STRBP: variants seen among roughly 807,000 people sequenced by gnomAD.
STRBP encodes spermatid perinuclear RNA binding protein.
Under a neutral mutation model 80.1 loss-of-function variants are expected in STRBP, and 13 were observed. That is an observed-to-expected ratio of 0.16 (90% CI 0.11 to 0.26). The LOEUF (loss-of-function observed/expected upper bound fraction) is 0.26. STRBP is among the 10% of genes least tolerant of loss of function. The pLI, the probability that STRBP is intolerant of heterozygous loss-of-function variation, is 1.00. For synonymous variants in STRBP, 284 were observed against 291.2 expected, an observed-to-expected ratio of 0.98 and a Z score of 0.25; for missense variants, 485 against 815.2, an observed-to-expected ratio of 0.59 and a Z score of 4.93.
chr9:123,112,555 CCT>C (rs1400200291), intron 3 of STRBP: 4 of 167,490 alleles, frequency 2.4e-5, no homozygotes, highest in African/African-American at 7.2e-5. Flanking sequence ...CCTAGAAACC[CCT>C]CTGAGAGGAA....
At chr9:123,253,415 C>A (rs1400766877) in intron 1 of STRBP, among the ~76,000 whole-genome samples, 1 of 152,220 alleles carries the variant, frequency 6.6e-6, no homozygotes, top group Non-Finnish European at 1.5e-5. Flanking sequence ...ACACACTGTA[C>A]TGCTAAGAGA....
intron 2 of STRBP, among the ~76,000 whole-genome samples, chr9:123,219,974 A>G (rs1418242805): frequency 6.6e-6 from 1 of 152,270 alleles, no homozygotes; most frequent in Non-Finnish European, 1.5e-5. Flanking sequence ...TTCAGGAATG[A>G]ATGCAAACAA....
chr9:123,232,344 A>G (rs1250477995), intron 2 of STRBP, among the ~76,000 whole-genome samples: 1 of 152,076 alleles, frequency 6.6e-6, no homozygotes, highest in Non-Finnish European at 1.5e-5. Context: ...TTAGCCGACA[A>G]TTTCTCCAGG....
intron 8 of STRBP, among the ~76,000 whole-genome samples, chr9:123,159,720 G>T (rs1007188695): frequency 6.6e-6 from 1 of 152,108 alleles, no homozygotes; most frequent in Non-Finnish European, 1.5e-5. Flanking sequence ...TTTTGTCAAA[G>T]TAATCATTGC....
Position 123,191,684 on chromosome 9 carries a change from T to A in STRBP, c.-164-7386A>T, listed in dbSNP as rs548000730. On this transcript the variant is annotated intron_variant, in intron 2 of 18. Coordinates refer to ENST00000348403, the MANE Select transcript of STRBP (RefSeq NM_018387.5). ...CATCAAAAAATATCAATTTTTGATA[T>A]TTTTTAACCACTTAAAAGTATAAAA... 1.6e-4 allele frequency among the ~76,000 whole-genome samples: 24 copies of A among 152,302 alleles called. No individual in the cohort carries two copies. The South Asian group carries it at 5.0e-3, about 32-fold the overall frequency.
At chr9:123,257,676 G>A (rs1466902282) in intron 1 of STRBP, among the ~76,000 whole-genome samples, 2 of 152,078 alleles carry the variant, frequency 1.3e-5, no homozygotes, top group African/African-American at 4.8e-5. Flanking sequence ...TAATTAGCCA[G>A]GCATGGTGGC....
At chr9:123,216,815 C>T (rs1365415907) in intron 2 of STRBP, among the ~76,000 whole-genome samples, 1 of 152,100 alleles carries the variant, frequency 6.6e-6, no homozygotes. Flanking sequence ...CATTAATTAC[C>T]TCAGTTAATA....
At chr9:123,224,763 G>C (rs371692574) in intron 2 of STRBP, among the ~76,000 whole-genome samples, 40 of 152,266 alleles carry the variant, frequency 2.6e-4, no homozygotes, top group Middle Eastern at 3.4e-3. Context: ...TGTACTGCTG[G>C]TAGTAGTGGA....
intron 6 of STRBP, chr9:123,168,315 C>A: frequency 2.8e-6 from 2 of 714,024 alleles, no homozygotes; most frequent in Non-Finnish European, 3.4e-6. Flanking sequence ...ATAGATACTA[C>A]ATACAGCAAA....
At chr9:123,172,054 TTC>T (rs2132431489) in intron 5 of STRBP, among the ~76,000 whole-genome samples, 1 of 152,328 alleles carries the variant, frequency 6.6e-6, no homozygotes, top group South Asian at 2.1e-4. Flanking sequence ...TGGCCCAATC[TTC>T]TCTGTCTTCA....
chr9:123,232,115 C>G (rs2040415186), intron 2 of STRBP, among the ~76,000 whole-genome samples: 1 of 152,120 alleles, frequency 6.6e-6, no homozygotes, highest in Non-Finnish European at 1.5e-5. Flanking sequence ...AATTCGAGAC[C>G]AGCCTGGTCA....
intron 2 of STRBP, among the ~76,000 whole-genome samples, chr9:123,229,254 G>A (rs2040331195): frequency 6.6e-6 from 1 of 152,164 alleles, no homozygotes; most frequent in Non-Finnish European, 1.5e-5. Flanking sequence ...CTGGAATTTA[G>A]ACAGTGGTAA....
At chr9:123,264,077 G>A (rs2041217739) in intron 1 of STRBP, among the ~76,000 whole-genome samples, 1 of 152,212 alleles carries the variant, frequency 6.6e-6, no homozygotes, top group African/African-American at 2.4e-5. Context: ...TACTCGGGAG[G>A]CTGGGGCAGG....
At chr9:123,141,037 T>C (rs564699546) in intron 13 of STRBP, among the ~76,000 whole-genome samples, 57 of 152,346 alleles carry the variant, frequency 3.7e-4, no homozygotes, top group African/African-American at 1.3e-3. Context: ...TGCATTCGTT[T>C]CCATTTTTAA....
At chr9:123,260,188 G>A (rs893710042) in intron 1 of STRBP, among the ~76,000 whole-genome samples, 6 of 152,202 alleles carry the variant, frequency 3.9e-5, no homozygotes, top group Non-Finnish European at 7.3e-5. Context: ...GAATAATGAT[G>A]TTGCAGGAGA....
intron 2 of STRBP, among the ~76,000 whole-genome samples, chr9:123,187,702 T>C (rs901149095): frequency 6.6e-6 from 1 of 152,282 alleles, no homozygotes; most frequent in African/African-American, 2.4e-5. Context: ...TTTAGGTTTA[T>C]AGAAAAGTTG....
chr9:123,159,043 A>T, intron 9 of STRBP, 53 bp downstream of exon 9: 1 of 1,423,130 alleles, frequency 7.0e-7, no homozygotes, highest in Admixed American at 1.7e-5. Flanking sequence ...TTAGAAAAAT[A>T]AACTAAACTG....
intron 2 of STRBP, among the ~76,000 whole-genome samples, chr9:123,205,201 G>A (rs1345498489): frequency 6.6e-6 from 1 of 152,202 alleles, no homozygotes; most frequent in Non-Finnish European, 1.5e-5. Flanking sequence ...AGGAGGCAGA[G>A]GTTGCAGTGA....
At chr9:123,184,626 T>A (rs1283248928) in intron 2 of STRBP, among the ~76,000 whole-genome samples, 4 of 152,180 alleles carry the variant, frequency 2.6e-5, no homozygotes, top group Non-Finnish European at 4.4e-5. Flanking sequence ...AAGTTGCAGT[T>A]AACCATTAGA....
Sources: allele counts gnomAD v4.1 joint callset (sites outside exome capture counted in the v4.1 genomes callset), GRCh38; gene constraint gnomAD v4.1.1; transcripts MANE v1.5; gene names NCBI Gene and HGNC (gene_info 2026-07-23, HGNC 2026-07-21).